APBB2: variants seen among roughly 807,000 people sequenced by gnomAD.
The protein encoded by APBB2 is Fe65-like 1.
A neutral mutation model predicts 82.5 loss-of-function variants in APBB2; 38 were observed. The ratio of observed to expected loss-of-function variants is 0.46; its 90% CI spans 0.36 to 0.60. The LOEUF (loss-of-function observed/expected upper bound fraction) is 0.60. Among genes scored for constraint, APBB2 ranks in the 20% least tolerant of loss-of-function variants. APBB2 has a pLI of 0.00. For missense variants in APBB2, 772 were observed against 972.3 expected (o/e 0.79, Z 2.74); for synonymous variants, 341 against 368.2 (o/e 0.93, Z 0.85).
intron 4 of APBB2, among the ~76,000 whole-genome samples, chr4:41,055,562 G>A (rs1727544368): frequency 1.3e-5 from 2 of 152,014 alleles, no homozygotes; most frequent in Admixed American, 6.6e-5. Context: ...TCTAGGACCC[G>A]CTCCACTGCA....
intron 12 of APBB2, among the ~76,000 whole-genome samples, chr4:40,860,215 G>C (rs944114332): frequency 2.6e-5 from 4 of 152,202 alleles, no homozygotes; most frequent in African/African-American, 9.6e-5. Context: ...TGTTGTGCCT[G>C]ACTGGGGTGT....
chr4:40,877,762 G>A (rs1328503201), intron 12 of APBB2, among the ~76,000 whole-genome samples: 1 of 152,148 alleles, frequency 6.6e-6, no homozygotes, highest in African/African-American at 2.4e-5. Flanking sequence ...AATTCACTCA[G>A]GAGCTCTCCT....
intron 2 of APBB2, among the ~76,000 whole-genome samples, chr4:41,104,593 G>A (rs1344738426): frequency 1.3e-5 from 2 of 152,140 alleles, no homozygotes; most frequent in Admixed American, 1.3e-4. Flanking sequence ...CAGGTAATGA[G>A]CATAATACCC....
At chr4:41,090,240 A>G (rs527311892) in intron 3 of APBB2, among the ~76,000 whole-genome samples, 36 of 152,304 alleles carry the variant, frequency 2.4e-4, no homozygotes, top group African/African-American at 8.4e-4. Flanking sequence ...CTTTCTACTT[A>G]AGAAATAAAT....
chr4:40,889,510 A>G (rs760108506), intron 12 of APBB2, among the ~76,000 whole-genome samples: 71 of 152,236 alleles, frequency 4.7e-4, no homozygotes, highest in Non-Finnish European at 7.8e-4. Context: ...TCCATTTTCA[A>G]CAAAGCAATA....
chr4:41,000,069 ATGTGTGTGTGTGTGTGTG>A (rs779111046), intron 6 of APBB2, among the ~76,000 whole-genome samples: 9 of 130,634 alleles, frequency 6.9e-5, no homozygotes, highest in East Asian at 2.2e-4. Context: ...ATATGTGTGT[ATGTGTGTGTGTGTGTGTG>A]TGTGTGTGTG....
At chr4:41,081,638 CA>C (rs1234456803) in intron 3 of APBB2, among the ~76,000 whole-genome samples, 1 of 152,094 alleles carries the variant, frequency 6.6e-6, no homozygotes, top group Admixed American at 6.5e-5. Flanking sequence ...AGACAGCCTC[CA>C]AACATTTATA....
rs1260562347 is a variant in APBB2, at chr4:40,812,524, G to A, written c.*3568C>T. The A allele has an allele frequency of 1.3e-5, 2 of 152,214 alleles. No homozygotes were observed. The highest frequency in any genetic ancestry group is 4.8e-5 in the African/African-American group (2 of 41,448). 9.4% of individuals were successfully genotyped at this position (152,214 alleles called of 1,614,324 possible). A position where few individuals can be genotyped will look rare whatever the true frequency, so the allele number is the denominator to read the frequency against. ...GCCGTGTGGCACACACGTTAGATGT[G>A]TATTAGGTTAAGCCTGGCCAACTAG... On this transcript the variant is annotated 3_prime_UTR_variant, in exon 18 of 18. Coordinates refer to ENST00000508593, the MANE Select transcript of APBB2 (RefSeq NM_004307.2).
intron 4 of APBB2, among the ~76,000 whole-genome samples, chr4:41,040,280 C>T (rs1431481174): frequency 1.3e-5 from 2 of 152,072 alleles, no homozygotes; most frequent in South Asian, 2.1e-4. Context: ...AAAAACATAC[C>T]GATTCCCTCT....
intron 4 of APBB2, among the ~76,000 whole-genome samples, chr4:41,042,861 T>G (rs1350504350): frequency 6.6e-6 from 1 of 152,152 alleles, no homozygotes; most frequent in African/African-American, 2.4e-5. Context: ...CCACTGAATT[T>G]TGGGGTGCTT....
chr4:40,863,087 T>C lies in APBB2; in HGVS notation c.1529+27277A>G, dbSNP rs182853772. 7.8e-3 allele frequency among the ~76,000 whole-genome samples: 1,191 copies of C among 152,296 alleles called. 10 individuals are homozygous for C. Among genetic ancestry groups the C allele is most frequent in the Non-Finnish European group, 8.9e-3 (603 of 68,004 alleles). On this transcript the variant is annotated intron_variant, in intron 12 of 17. Coordinates refer to ENST00000508593, the MANE Select transcript of APBB2 (RefSeq NM_004307.2). ...CAGATAAAGACACTGGAGGATGGGA[T>C]GCTGCAGCTCTTTCTGTGTCCCGCA...
At chr4:40,992,364 G>GGC (rs753092524) in intron 6 of APBB2, among the ~76,000 whole-genome samples, 29 of 145,234 alleles carry the variant, frequency 2.0e-4, no homozygotes, top group Non-Finnish European at 4.3e-4. Context: ...GTAGAGATGG[G>GGC]GGGGGGTCTT....
chr4:41,000,269 A>G (rs1804856489), intron 6 of APBB2, among the ~76,000 whole-genome samples: 1 of 151,824 alleles, frequency 6.6e-6, no homozygotes, highest in South Asian at 2.1e-4. Context: ...CTCTAAATAA[A>G]TAAATAAATA....
intron 2 of APBB2, among the ~76,000 whole-genome samples, chr4:41,106,846 G>A (rs1203705053): frequency 6.6e-6 from 1 of 152,102 alleles, no homozygotes; most frequent in Non-Finnish European, 1.5e-5. Context: ...TTGCTTACTG[G>A]AGAAATAGTT....
chr4:40,890,249 T>C, intron 12 of APBB2, 115 bp downstream of exon 12: 2 of 1,369,294 alleles, frequency 1.5e-6, no homozygotes, highest in East Asian at 2.5e-5. Context: ...CACATTTCTA[T>C]ATAGAAGCTA....
At chr4:41,118,811 C>T (rs190306047) in intron 2 of APBB2, among the ~76,000 whole-genome samples, 3 of 152,226 alleles carry the variant, frequency 2.0e-5, no homozygotes, top group Admixed American at 2.0e-4. Flanking sequence ...GTACTATCTG[C>T]TCAGTTTTCC....
intron 2 of APBB2, among the ~76,000 whole-genome samples, chr4:41,103,932 T>C (rs1351309183): frequency 6.6e-6 from 1 of 152,218 alleles, no homozygotes; most frequent in African/African-American, 2.4e-5. Context: ...ATGTTTAAAG[T>C]TTATAAACCC....
intron 12 of APBB2, among the ~76,000 whole-genome samples, chr4:40,864,557 T>C (rs1763591475): frequency 1.3e-5 from 2 of 152,220 alleles, no homozygotes; most frequent in Non-Finnish European, 1.5e-5. Context: ...AGGCTATTTA[T>C]AATAAATGTG....
In APBB2 at chr4:40,811,278, AAT is replaced by A. The variant is rs1744344321; in HGVS notation, c.*4812_*4813del. ...AGGGAAAAGAATTTTGGATAAAAGC[AAT>A]ATGAGGCCGGACGTGGTGGCTCACA... On this transcript the variant is annotated 3_prime_UTR_variant, in exon 18 of 18. Coordinates refer to ENST00000508593, the MANE Select transcript of APBB2 (RefSeq NM_004307.2). The A allele has an allele frequency of 6.6e-6, 1 of 152,222 alleles. No individual in the cohort carries two copies. The highest frequency in any genetic ancestry group is 2.4e-5 in the African/African-American group (1 of 41,464). The allele number at this position is 152,222 out of a possible 1,614,324, so 9.4% of individuals were successfully genotyped here. A position where few individuals can be genotyped will look rare whatever the true frequency, so the allele number is the denominator to read the frequency against.
Sources: allele counts gnomAD v4.1 joint callset (sites outside exome capture counted in the v4.1 genomes callset), GRCh38; gene constraint gnomAD v4.1.1; transcripts MANE v1.5; gene names NCBI Gene and HGNC (gene_info 2026-07-23, HGNC 2026-07-21).